The following STXBP5 variants were observed in gnomAD, a reference collection of about 807,000 sequenced individuals.
STXBP5 encodes the protein syntaxin binding protein 5.
Under a neutral mutation model 152.4 loss-of-function variants are expected in STXBP5, and 50 were observed. The ratio of observed to expected loss-of-function variants is 0.33; its 90% confidence interval spans 0.26 to 0.42. The LOEUF (loss-of-function observed/expected upper bound fraction) is 0.42. STXBP5 is among the 10% of genes least tolerant of loss of function. The pLI, the probability that STXBP5 is intolerant of heterozygous loss-of-function variation, is 1.00. For synonymous variants in STXBP5, 492 were observed against 494.7 expected (o/e 0.99, Z 0.07); for missense variants, 1,167 against 1,388.6 (o/e 0.84, Z 2.54).
intron 4 of STXBP5, among the ~76,000 whole-genome samples, chr6:147,240,438 A>G (rs1298896966): frequency 1.3e-5 from 2 of 152,126 alleles, no homozygotes; most frequent in Non-Finnish European, 2.9e-5. Context: ...TAAAAGCACA[A>G]TCTTTTTTAA....
At chr6:147,281,441 C>T (rs958539429) in intron 8 of STXBP5, among the ~76,000 whole-genome samples, 1 of 152,180 alleles carries the variant, frequency 6.6e-6, no homozygotes, top group Admixed American at 6.5e-5. Flanking sequence ...ATAGAGATCA[C>T]ATTTGTGGTA....
Position 147,311,533 on chromosome 6 carries a change from A to G in STXBP5, c.1145+6A>G. The G allele has an allele frequency of 6.2e-7, 1 of 1,606,286 alleles. No individual in the cohort carries two copies. The highest frequency in any genetic ancestry group is 8.5e-7 in the Non-Finnish European group (1 of 1,175,096). The stretch of plus-strand genomic sequence containing the variant: ...ATAGACCTTGCACAAAATGGGTAAG[A>G]AATAAAATTTGGTGAGTGATTCTAT... On this transcript the variant is annotated splice_donor_region_variant and intron_variant, in intron 11 of 27. Coordinates refer to ENST00000321680, the MANE Select transcript of STXBP5 (RefSeq NM_001127715.4).
chr6:147,316,119 ATCT>A, intron 15 of STXBP5, 107 bp from the exon 16 acceptor site: 1 of 1,102,432 alleles, frequency 9.1e-7, no homozygotes, highest in East Asian at 2.6e-5. Context: ...ACCTTTAAAA[ATCT>A]TCTTGCCACT....
chr6:147,343,917 C>A (rs1457659649), intron 21 of STXBP5, among the ~76,000 whole-genome samples: 1 of 152,082 alleles, frequency 6.6e-6, no homozygotes, highest in Non-Finnish European at 1.5e-5. Context: ...AAAGGAGATG[C>A]TCAGTTTGAA....
intron 11 of STXBP5, among the ~76,000 whole-genome samples, chr6:147,313,235 A>G (rs935680597): frequency 2.6e-5 from 4 of 152,158 alleles, no homozygotes; most frequent in Non-Finnish European, 5.9e-5. Context: ...TTTTTTAGCC[A>G]GTTTCTGGTT....
chr6:147,294,206 TC>T (rs2128355034), intron 9 of STXBP5, among the ~76,000 whole-genome samples: 1 of 152,172 alleles, frequency 6.6e-6, no homozygotes, highest in South Asian at 2.1e-4. Context: ...AGGTATGAAA[TC>T]CCATGGTGAA....
rs1366372728 is a variant in STXBP5 at position 147,389,509 on chromosome 6, C to T, written c.*4754C>T. On this transcript the variant is annotated 3_prime_UTR_variant, in exon 28 of 28. Transcript: ENST00000321680. ...GGTCTCTTTATTTTATTCTTTACAT[C>T]AGAAAAATCATGAATGTCAGTTTTG... 1.3e-5 allele frequency: 2 copies of T among 151,780 alleles called. No individual in the cohort carries two copies. Among genetic ancestry groups the T allele is most frequent in the African/African-American group, 4.8e-5 (2 of 41,410 alleles). The allele number at this position is 151,780 out of a possible 1,614,324, so 9.4% of individuals were successfully genotyped here. A position where few individuals can be genotyped will look rare whatever the true frequency, so the allele number is the denominator to read the frequency against.
intron 13 of STXBP5, 41 bp downstream of exon 13, chr6:147,314,372 C>G (rs1213515016): frequency 2.0e-6 from 3 of 1,529,130 alleles, no homozygotes; most frequent in Non-Finnish European, 2.7e-6. Context: ...TCTATAATAG[C>G]TAAATATAAT....
intron 21 of STXBP5, among the ~76,000 whole-genome samples, chr6:147,343,398 A>G (rs1176099129): frequency 6.6e-6 from 1 of 152,150 alleles, no homozygotes; most frequent in Non-Finnish European, 1.5e-5. Flanking sequence ...CAATATAACT[A>G]AAGTCTTCTC....
At chr6:147,304,738 C>CA (rs2128365193) in intron 9 of STXBP5, among the ~76,000 whole-genome samples, 1 of 152,312 alleles carries the variant, frequency 6.6e-6, no homozygotes, top group Non-Finnish European at 1.5e-5. Flanking sequence ...CCACCTCTTG[C>CA]ATCAGAGTGA....
At chr6:147,371,691 G>T (rs1390258428) in intron 25 of STXBP5, among the ~76,000 whole-genome samples, 1 of 152,144 alleles carries the variant, frequency 6.6e-6, no homozygotes, top group Non-Finnish European at 1.5e-5. Flanking sequence ...AATATAATGA[G>T]TTTAATCTGG....
At chr6:147,315,762 G>T in intron 15 of STXBP5, 27 bp downstream of exon 15, 1 of 1,584,262 alleles carries the variant, frequency 6.3e-7, no homozygotes, top group Non-Finnish European at 8.7e-7. Flanking sequence ...TATTTTCATG[G>T]TCAAGTTATT....
At chr6:147,372,914 G>T (rs1785628862) in intron 25 of STXBP5, among the ~76,000 whole-genome samples, 1 of 152,128 alleles carries the variant, frequency 6.6e-6, no homozygotes. Flanking sequence ...CCAGATTTCT[G>T]AAATTCCAGG....
At chr6:147,375,812 G>A (rs1785784798) in intron 26 of STXBP5, among the ~76,000 whole-genome samples, 2 of 151,882 alleles carry the variant, frequency 1.3e-5, no homozygotes, top group Admixed American at 1.3e-4. Flanking sequence ...AAAAATTATA[G>A]ATATTTTTTA....
At chr6:147,349,136 A>G (rs79750405) in intron 21 of STXBP5, among the ~76,000 whole-genome samples, 5,397 of 152,272 alleles carry the variant, frequency 0.035, 147 homozygotes, top group Admixed American at 0.054. Context: ...AAGAGGATAC[A>G]TATTTACATT....
intron 2 of STXBP5, among the ~76,000 whole-genome samples, chr6:147,229,317 T>A (rs535534807): frequency 5.3e-5 from 8 of 152,152 alleles, no homozygotes; most frequent in African/African-American, 1.7e-4. Flanking sequence ...ATATATGGTG[T>A]TAGTATTTAT....
At chr6:147,253,279 C>A (rs1358463295) in intron 4 of STXBP5, among the ~76,000 whole-genome samples, 2 of 152,176 alleles carry the variant, frequency 1.3e-5, no homozygotes, top group Non-Finnish European at 2.9e-5. Flanking sequence ...TAAAAACTCT[C>A]AATAAACTAG....
intron 5 of STXBP5, among the ~76,000 whole-genome samples, chr6:147,261,550 C>G (rs1451661638): frequency 1.3e-5 from 2 of 151,996 alleles, no homozygotes; most frequent in African/African-American, 4.8e-5. Flanking sequence ...TGTGACGTAT[C>G]TCTTAAGTCA....
In STXBP5 at chr6:147,389,927, G is replaced by A. The variant is rs1786514216; in HGVS notation, c.*5172G>A. ...ACCAGAAAAACACTTTTGCTTTCTA[G>A]TTATACTATTGGTTCATTGTAAATG... On this transcript the variant is annotated 3_prime_UTR_variant, in exon 28 of 28. Transcript: ENST00000321680. 1 of 151,556 alleles carries A rather than the reference G, an allele frequency of 6.6e-6. No homozygotes were observed. Among genetic ancestry groups the A allele is most frequent in the East Asian group, 1.9e-4 (1 of 5,144 alleles). 9.4% of individuals were successfully genotyped at this position (151,556 alleles called of 1,614,324 possible).
Sources: allele counts gnomAD v4.1 joint callset (sites outside exome capture counted in the v4.1 genomes callset), GRCh38; gene constraint gnomAD v4.1.1; transcripts MANE v1.5; gene names NCBI Gene and HGNC (gene_info 2026-07-23, HGNC 2026-07-21).